The following COL24A1 variants were observed in gnomAD, a reference collection of about 807,000 sequenced individuals.
COL24A1 encodes collagen type XXIV alpha 1 chain.
In COL24A1, 224 loss-of-function variants were observed where a neutral mutation model predicts 253.9. The observed-to-expected ratio is 0.88, with a 90% CI of 0.79 to 0.99. The LOEUF is 0.99. Among genes scored for constraint, COL24A1 ranks in the 50% least tolerant of loss-of-function variants. The pLI is 0.00. For missense variants in COL24A1, 2,131 were observed against 2,068.5 expected, an observed-to-expected ratio of 1.03 and a Z score of -0.59; for synonymous variants, 685 against 673.7, an observed-to-expected ratio of 1.02 and a Z score of -0.26.
intron 24 of COL24A1, among the ~76,000 whole-genome samples, chr1:85,953,250 C>T (rs965000471): frequency 6.6e-5 from 10 of 152,116 alleles, no homozygotes; most frequent in African/African-American, 2.2e-4. Context: ...AAAATGCCAC[C>T]CCTCGACCCC....
chr1:85,990,017 C>G (rs1694102000), intron 19 of COL24A1, among the ~76,000 whole-genome samples: 1 of 152,182 alleles, frequency 6.6e-6, no homozygotes, highest in African/African-American at 2.4e-5. Context: ...TTATGTTATT[C>G]ACTTCCATAT....
At chr1:85,915,588 T>C (rs1004962275) in intron 24 of COL24A1, among the ~76,000 whole-genome samples, 1 of 152,228 alleles carries the variant, frequency 6.6e-6, no homozygotes, top group African/African-American at 2.4e-5. Context: ...TAGAGCTATC[T>C]GTTGTGAGAC....
intron 47 of COL24A1, among the ~76,000 whole-genome samples, chr1:85,811,387 A>C (rs1250998137): frequency 6.6e-6 from 1 of 152,142 alleles, no homozygotes; most frequent in East Asian, 1.9e-4. Context: ...TCTTAAATTT[A>C]TACAATAAAA....
intron 55 of COL24A1, among the ~76,000 whole-genome samples, chr1:85,745,743 T>C (rs544377386): frequency 2.0e-4 from 30 of 152,298 alleles, no homozygotes; most frequent in African/African-American, 6.7e-4. Context: ...GACCAGAGTC[T>C]ACAGTCCTCA....
chr1:85,759,844 T>A (rs1475485816), intron 55 of COL24A1, among the ~76,000 whole-genome samples: 1 of 152,128 alleles, frequency 6.6e-6, no homozygotes, highest in Non-Finnish European at 1.5e-5. Context: ...AATGTGAAAA[T>A]TTTCACTAAA....
At chr1:85,821,885 A>G (rs1425111415) in intron 45 of COL24A1, among the ~76,000 whole-genome samples, 1 of 152,198 alleles carries the variant, frequency 6.6e-6, no homozygotes, top group Non-Finnish European at 1.5e-5. Flanking sequence ...CAAGATGGAA[A>G]AAGAAAGCCT....
At chr1:86,024,934 T>C (rs1011079297) in intron 14 of COL24A1, among the ~76,000 whole-genome samples, 5 of 152,196 alleles carry the variant, frequency 3.3e-5, no homozygotes, top group African/African-American at 1.2e-4. Flanking sequence ...CAGATGAATG[T>C]ACTTTGTATA....
chr1:85,926,810 G>A (rs1268231768), intron 24 of COL24A1, among the ~76,000 whole-genome samples: 1 of 151,636 alleles, frequency 6.6e-6, no homozygotes, highest in Non-Finnish European at 1.5e-5. Context: ...AGAACTTAAA[G>A]TATAATAATA....
chr1:86,072,277 C>A (rs1701932408), intron 7 of COL24A1, among the ~76,000 whole-genome samples: 1 of 152,150 alleles, frequency 6.6e-6, no homozygotes, highest in African/African-American at 2.4e-5. Context: ...TTCTTGCTGC[C>A]AGCACAGCAG....
chr1:85,890,503 A>G (rs1683005822), intron 31 of COL24A1, among the ~76,000 whole-genome samples: 1 of 150,810 alleles, frequency 6.6e-6, no homozygotes, highest in Non-Finnish European at 1.5e-5. Flanking sequence ...AGTGATGTTG[A>G]GTATCTTTTC....
intron 31 of COL24A1, among the ~76,000 whole-genome samples, chr1:85,895,116 GTAC>G (rs766770531): frequency 3.0e-4 from 46 of 152,146 alleles, no homozygotes; most frequent in Middle Eastern, 3.4e-3. Flanking sequence ...TCACATACAT[GTAC>G]TATCTTACAT....
At chr1:85,786,711 C>G (rs1222528928) in intron 47 of COL24A1, among the ~76,000 whole-genome samples, 3 of 152,124 alleles carry the variant, frequency 2.0e-5, no homozygotes, top group Non-Finnish European at 4.4e-5. Context: ...TAAAGCAATA[C>G]GAAGTCCACC....
In COL24A1 at chr1:85,729,266, A is replaced by G. The variant is rs2100759101; in HGVS notation, c.*1280T>C. The G allele has an allele frequency of 6.6e-6, 1 of 152,326 alleles. No individual in the cohort carries two copies. Among genetic ancestry groups the G allele is most frequent in the Middle Eastern group, 3.4e-3 (1 of 292 alleles). 9.4% of individuals were successfully genotyped at this position (152,326 alleles called of 1,614,324 possible). A position where few individuals can be genotyped will look rare whatever the true frequency, so the allele number is the denominator to read the frequency against. On this transcript the variant is annotated 3_prime_UTR_variant, in exon 60 of 60. Coordinates refer to ENST00000370571, the MANE Select transcript of COL24A1 (RefSeq NM_152890.7). ...AGCACATTTTTATTATAGATAGGTTAAGTGTGGTTTGCTGTGGCTAAAGAT... is the reference window on the plus strand; with the variant it reads ...AGCACATTTTTATTATAGATAGGTTGAGTGTGGTTTGCTGTGGCTAAAGAT...
At chr1:86,022,155 C>A (rs917061114) in intron 18 of COL24A1, 85 bp downstream of exon 18, 39 of 1,144,524 alleles carry the variant, frequency 3.4e-5, no homozygotes, top group Non-Finnish European at 5.0e-5. Flanking sequence ...TAGGCTTATA[C>A]CCTACTTAGA....
chr1:85,827,614 T>A (rs958532651), intron 43 of COL24A1, among the ~76,000 whole-genome samples: 1 of 152,228 alleles, frequency 6.6e-6, no homozygotes, highest in Non-Finnish European at 1.5e-5. Context: ...TCGTTATTGA[T>A]CTATTCAGAG....
intron 19 of COL24A1, among the ~76,000 whole-genome samples, chr1:86,009,138 A>G (rs1028859129): frequency 2.6e-5 from 4 of 152,362 alleles, no homozygotes; most frequent in African/African-American, 9.6e-5. Context: ...TGGAAAAACA[A>G]GAATGCAAAT....
At chr1:86,112,750 C>A in intron 4 of COL24A1, 130 bp from the exon 5 acceptor site, 1 of 697,544 alleles carries the variant, frequency 1.4e-6, no homozygotes, top group South Asian at 2.9e-5. Context: ...ATTATGTATG[C>A]CTTAAAGACC....
At chr1:86,051,406 A>T (rs1418572303) in intron 10 of COL24A1, among the ~76,000 whole-genome samples, 1 of 123,788 alleles carries the variant, frequency 8.1e-6, no homozygotes, top group Non-Finnish European at 1.9e-5. Flanking sequence ...CCTAGAGAGA[A>T]GATTAATGGT....
At chr1:86,051,252 C>A (rs1700276851) in intron 10 of COL24A1, among the ~76,000 whole-genome samples, 1 of 151,964 alleles carries the variant, frequency 6.6e-6, no homozygotes, top group Admixed American at 6.6e-5. Flanking sequence ...AAAATCAATG[C>A]CCTCAAAAAG....
Sources: gnomAD v4.1 joint callset for allele counts (sites outside exome capture counted in the v4.1 genomes callset) on GRCh38, gnomAD v4.1.1 for gene constraint, MANE v1.5 for transcripts, NCBI Gene and HGNC (gene_info 2026-07-23, HGNC 2026-07-21) for gene names.